The following IGF1R variants were observed in gnomAD, a reference collection of about 807,000 sequenced individuals.
IGF1R encodes insulin like growth factor 1 receptor, also known as insulin-like growth factor 1 receptor.
A neutral mutation model predicts 144.6 loss-of-function variants in IGF1R; 44 were observed. The observed-to-expected ratio is 0.30, with a 90% CI of 0.24 to 0.39. The LOEUF is 0.39. Ranked by LOEUF, IGF1R falls within the 10% of genes least tolerant of loss-of-function variation. The pLI, the probability that IGF1R is intolerant of heterozygous loss-of-function variation, is 1.00. For synonymous variants in IGF1R, 795 were observed against 722.8 expected (o/e 1.10, Z -1.60); for missense variants, 1,355 against 1,833.7 (o/e 0.74, Z 4.77).
chr15:98,917,064 G>C (rs2015286807), intron 10 of IGF1R, 188 bp downstream of exon 10: 5 of 675,558 alleles, frequency 7.4e-6, no homozygotes, highest in Non-Finnish European at 1.1e-5. Context: ...CAGCCCTGAA[G>C]GGAACAGGGA....
At chr15:98,748,352 T>A (rs2054920885) in intron 2 of IGF1R, among the ~76,000 whole-genome samples, 1 of 152,080 alleles carries the variant, frequency 6.6e-6, no homozygotes, top group Admixed American at 6.5e-5. Context: ...TATTATTATT[T>A]TTGTAGAGAT....
chr15:98,827,744 G>A (rs754204813), intron 2 of IGF1R, among the ~76,000 whole-genome samples: 1 of 152,044 alleles, frequency 6.6e-6, no homozygotes, highest in Non-Finnish European at 1.5e-5. Flanking sequence ...CACCACACCC[G>A]GCTAATTTTT....
chr15:98,778,997 G>A (rs999964116), intron 2 of IGF1R, among the ~76,000 whole-genome samples: 9 of 152,190 alleles, frequency 5.9e-5, no homozygotes, highest in Non-Finnish European at 4.4e-5. Context: ...AGTACTCTGG[G>A]AGTGCATAAT....
chr15:98,940,757 C>G (rs1414641776), intron 18 of IGF1R, among the ~76,000 whole-genome samples: 3 of 152,188 alleles, frequency 2.0e-5, no homozygotes, highest in Non-Finnish European at 4.4e-5. Flanking sequence ...TCTGTAGGAG[C>G]TAGAGGTATT....
At chr15:98,955,392 G>T (rs1369975085) in intron 20 of IGF1R, among the ~76,000 whole-genome samples, 4 of 152,210 alleles carry the variant, frequency 2.6e-5, no homozygotes, top group Non-Finnish European at 4.4e-5. Context: ...GGGCGACGTG[G>T]TAAATAAACA....
intron 11 of IGF1R, 67 bp downstream of exon 11, chr15:98,922,498 T>G: frequency 6.4e-7 from 1 of 1,567,318 alleles, no homozygotes; most frequent in Non-Finnish European, 8.7e-7. Flanking sequence ...ATGTGTTTTA[T>G]GGACACAGGG....
chr15:98,775,250 G>T (rs1039816770), intron 2 of IGF1R, among the ~76,000 whole-genome samples: 1 of 152,106 alleles, frequency 6.6e-6, no homozygotes, highest in African/African-American at 2.4e-5. Context: ...CATGGAAGGT[G>T]CCTTTTGTGT....
intron 19 of IGF1R, among the ~76,000 whole-genome samples, chr15:98,945,410 A>G (rs2016514493): frequency 6.6e-6 from 1 of 152,210 alleles, no homozygotes; most frequent in Admixed American, 6.5e-5. Flanking sequence ...CGGGCATTGC[A>G]GGGGGACTCA....
rs74032526 is a variant in IGF1R, at chr15:98,694,539, G to T, written c.95-13023G>T. Among the ~76,000 whole-genome samples, 734 of 151,998 alleles carry T rather than the reference G, an allele frequency of 4.8e-3. 7 individuals carry two copies. Among genetic ancestry groups the T allele is most frequent in the African/African-American group, 0.017 (694 of 41,448 alleles). ...AGCGCTCCTGGGCCAGACTCAGGGT[G>T]GGGGGGATGCAGGTGCCAGTGACTG... On this transcript the variant is annotated intron_variant, in intron 1 of 20. Coordinates refer to ENST00000650285, the MANE Select transcript of IGF1R (RefSeq NM_000875.5).
intron 2 of IGF1R, among the ~76,000 whole-genome samples, chr15:98,885,563 A>G (rs180819073): frequency 7.5e-4 from 114 of 152,270 alleles, no homozygotes; most frequent in African/African-American, 2.6e-3. Flanking sequence ...ACGAGGATGC[A>G]TGCCTGCTAG....
intron 10 of IGF1R, among the ~76,000 whole-genome samples, chr15:98,919,013 C>T (rs531982038): frequency 1.3e-5 from 2 of 152,274 alleles, no homozygotes; most frequent in Admixed American, 6.5e-5. Context: ...AGGTTCAGTG[C>T]CCAAGGCCAT....
intron 3 of IGF1R, among the ~76,000 whole-genome samples, chr15:98,895,777 G>A (rs2014164183): frequency 6.6e-6 from 1 of 152,222 alleles, no homozygotes; most frequent in Non-Finnish European, 1.5e-5. Context: ...TTTCTTGAAT[G>A]TTTTTACTTC....
rs1250751011 is a variant in IGF1R, at chr15:98,707,728, G to C, written c.261G>C (p.Leu87=). 6.2e-7 allele frequency: 1 copy of C among 1,614,166 alleles called. No individual in the cohort carries two copies. Among genetic ancestry groups the C allele is most frequent in the Non-Finnish European group, 8.5e-7 (1 of 1,180,032 alleles). ...CGGTCATTACCGAGTACTTGCTGCTGTTCCGAGTGGCTGGCCTCGAGAGCC... is the reference window on the plus strand; with the variant it reads ...CGGTCATTACCGAGTACTTGCTGCTCTTCCGAGTGGCTGGCCTCGAGAGCC... ...KLTVITEYLL[L]FRVAGLESLG... The change falls in exon 2 of 21, where the codon CTG becomes CTC. Residue 87 remains leucine, a synonymous_variant. Transcript: ENST00000650285. This position sits in a 1 kb window ranked among gnomAD's most constrained non-coding sequence, Gnocchi z 6.7.
chr15:98,963,148 A>G lies in IGF1R; in HGVS notation c.*5706A>G. 1 of 233,042 alleles carries G rather than the reference A, an allele frequency of 4.3e-6. No individual in the cohort carries two copies. Among genetic ancestry groups the G allele is most frequent in the Non-Finnish European group, 8.5e-6 (1 of 117,918 alleles). The allele number at this position is 233,042 out of a possible 1,614,324, so 14.4% of individuals were successfully genotyped here. A position where few individuals can be genotyped will look rare whatever the true frequency, so the allele number is the denominator to read the frequency against. ...TTTTATAAAATGTTTGTAGTTTATA[A>G]TTGCCGAAAATAATTTAAAGACACT... On this transcript the variant is annotated 3_prime_UTR_variant, in exon 21 of 21. Transcript: ENST00000650285.
At chr15:98,810,592 A>G (rs1596322061) in intron 2 of IGF1R, among the ~76,000 whole-genome samples, 1 of 144,606 alleles carries the variant, frequency 6.9e-6, no homozygotes, top group South Asian at 2.2e-4. Flanking sequence ...TCTGTAGCCC[A>G]GGCTGGAGTG....
chr15:98,903,361 C>G (rs771485237), intron 5 of IGF1R, among the ~76,000 whole-genome samples: 1 of 152,130 alleles, frequency 6.6e-6, no homozygotes, highest in African/African-American at 2.4e-5. Flanking sequence ...AATTGAAATT[C>G]GCGGATAGGC....
At chr15:98,688,432 G>GTC (rs986817903) in intron 1 of IGF1R, among the ~76,000 whole-genome samples, 3 of 151,210 alleles carry the variant, frequency 2.0e-5, no homozygotes, top group African/African-American at 7.3e-5. Context: ...GTGTGTGTGT[G>GTC]TGTGTGTGTG....
rs148092917 is a variant in IGF1R, at chr15:98,764,665, C to T, written c.640+56558C>T. 8.5e-3 allele frequency among the ~76,000 whole-genome samples: 1,294 copies of T among 152,296 alleles called. 11 individuals carry two copies. The highest frequency in any genetic ancestry group is 0.041 in the Middle Eastern group (12 of 294). Reference sequence around the variant, plus strand: ...GTTTTTTTCTAATAACCAGTAAGTTCTTCGTCTTCGAATAATTCTTTTATA... The same window carrying T: ...GTTTTTTTCTAATAACCAGTAAGTTTTTCGTCTTCGAATAATTCTTTTATA... On this transcript the variant is annotated intron_variant, in intron 2 of 20. Coordinates refer to ENST00000650285, the MANE Select transcript of IGF1R (RefSeq NM_000875.5).
chr15:98,924,889 C>T (rs955172196), intron 13 of IGF1R, among the ~76,000 whole-genome samples: 2 of 152,058 alleles, frequency 1.3e-5, no homozygotes, highest in African/African-American at 2.4e-5. Context: ...TGGGCTCCTA[C>T]CTCATGTGGC....
Sources: gnomAD v4.1 joint callset for allele counts (sites outside exome capture counted in the v4.1 genomes callset) on GRCh38, gnomAD v4.1.1 for gene constraint, Gnocchi (gnomAD v3.1) non-coding constraint, MANE v1.5 for transcripts, NCBI Gene and HGNC (gene_info 2026-07-23, HGNC 2026-07-21) for gene names.